The following SLC25A41 variants were observed in gnomAD, a reference collection of about 807,000 sequenced individuals.
SLC25A41 encodes mitochondrial carrier protein SCaMC-3L.
Under a neutral mutation model 34.7 loss-of-function variants are expected in SLC25A41, and 35 were observed. The ratio of observed to expected loss-of-function variants is 1.01; its 90% CI spans 0.77 to 1.34. The LOEUF (loss-of-function observed/expected upper bound fraction) is 1.34. Among genes scored for constraint, SLC25A41 ranks in the 40% most tolerant of loss-of-function variants. The pLI is 0.00. For missense variants in SLC25A41, 492 were observed against 489.8 expected, an observed-to-expected ratio of 1.00 and a Z score of -0.04; for synonymous variants, 190 against 209.9, an observed-to-expected ratio of 0.91 and a Z score of 0.82.
chr19:6,428,577 TATA>T (rs766038282), intron 4 of SLC25A41, among the ~76,000 whole-genome samples: 9 of 147,676 alleles, frequency 6.1e-5, no homozygotes, highest in Non-Finnish European at 1.0e-4. Context: ...TTACATAGTA[TATA>T]ATAAATGTAA....
chr19:6,430,808 G>GT lies in SLC25A41; in HGVS notation c.364-648dup, dbSNP rs886235300. Among the ~76,000 whole-genome samples, 354 of 151,814 alleles carry GT rather than the reference G, an allele frequency of 2.3e-3. 1 individual carries two copies. Among genetic ancestry groups the GT allele is most frequent in the African/African-American group, 8.3e-3 (342 of 41,388 alleles). On this transcript the variant is annotated intron_variant, in intron 2 of 6. Transcript: ENST00000321510. ...TGGCCTTCTTTTCCTTTTCTTTCTT[G>GT]TTTTTTTGTTTGTTTATGTTTTCGA...
In SLC25A41 at chr19:6,433,521, T is replaced by C; in HGVS notation, c.173A>G (p.His58Arg). Residue 58 changes from histidine to arginine, a missense_variant, in exon 1 of 7, where the codon CAT (histidine) becomes CGT (arginine). Transcript: ENST00000321510. ...HVYGYAFGHM[H>R]DNNLEHLPSQ... ...CGGGAGATGTTCAAGGTTGTTGTCA[T>C]GCATGTGGCCAAACGCGTACCCATA... 6.2e-7 allele frequency: 1 copy of C among 1,612,552 alleles called. No homozygotes were observed. The highest frequency in any genetic ancestry group is 1.1e-5 in the South Asian group (1 of 91,026).
At chr19:6,428,065 A>G (rs1254467201) in intron 4 of SLC25A41, among the ~76,000 whole-genome samples, 2 of 152,172 alleles carry the variant, frequency 1.3e-5, no homozygotes, top group Admixed American at 6.6e-5. Context: ...GTAAGATACT[A>G]CAATGGTGGA....
In SLC25A41 at chr19:6,429,055, A is replaced by G. The variant is rs1178613794; in HGVS notation, c.624+669T>C. On this transcript the variant is annotated intron_variant, in intron 4 of 6. Transcript: ENST00000321510. ...TATATATATAATATATATATTATATATATGTTATATATATATATAATATAT... is the reference window on the plus strand; with the variant it reads ...TATATATATAATATATATATTATATGTATGTTATATATATATATAATATAT... Among the ~76,000 whole-genome samples the G allele has an allele frequency of 5.7e-5, 3 of 53,048 alleles. No homozygotes were observed. In the Admixed American group the frequency reaches 1.3e-3, roughly 22 times the overall value. 34.8% of individuals were successfully genotyped at this position (53,048 alleles called of 152,430 possible). A position where few individuals can be genotyped will look rare whatever the true frequency, so the allele number is the denominator to read the frequency against.
chr19:6,432,178 CAT>C lies in SLC25A41; in HGVS notation c.232_233del (p.Met78GlyfsTer10). 6.2e-7 allele frequency: 1 copy of C among 1,613,796 alleles called. No homozygotes were observed. The highest frequency in any genetic ancestry group is 8.5e-7 in the Non-Finnish European group (1 of 1,179,794). On this transcript the variant is annotated frameshift_variant, in exon 2 of 7. Coordinates refer to ENST00000321510, the MANE Select transcript of SLC25A41 (RefSeq NM_173637.4). LOFTEE classifies it high-confidence loss of function. ...CCACTTCCAGGACTTCCACGGGGAC[CAT>C]CAGCTGCTCTCCTGTGTCCAGTACC... ...QQVLDTGEQL[M>X]VPVEVLEVDN...
chr19:6,430,226 C>A, intron 2 of SLC25A41, 65 bp from the exon 3 acceptor site: 1 of 1,504,404 alleles, frequency 6.6e-7, no homozygotes. Context: ...ATCCCTGCCC[C>A]AAGCGCAGCC....
chr19:6,431,015 T>C (rs2092283434), intron 2 of SLC25A41, among the ~76,000 whole-genome samples: 1 of 151,392 alleles, frequency 6.6e-6, no homozygotes, highest in Non-Finnish European at 1.5e-5. Context: ...GGGGTCTTAC[T>C]ATGTTGCCCA....
rs377184838 is a variant in SLC25A41 at position 6,427,411 on chromosome 19, G to A, written c.715C>T (p.Arg239Cys). 15 of 1,610,534 alleles carry A rather than the reference G, an allele frequency of 9.3e-6. No individual in the cohort carries two copies. The highest frequency in any genetic ancestry group is 1.7e-5 in the Admixed American group (1 of 59,674). Reference protein sequence around the residue: ...ARQILQREGTRALYRGYLPNM... With the variant: ...ARQILQREGTCALYRGYLPNM... ...GGCAGGTAGCCGCGGTAAAGGGCGC[G>A]GGTGCCCTCTCGCTGCAAGATCTGC... Residue 239 changes from arginine to cysteine, a missense_variant, in exon 5 of 7, where the codon CGC (arginine) becomes TGC (cysteine). Arg to Cys is a radical substitution (Grantham distance 180). Transcript: ENST00000321510. The surrounding 1 kb of genome is among the most constrained non-coding windows in gnomAD (Gnocchi z 4.9).
At position 6,428,509 on chromosome 19, in the gene SLC25A41, A is replaced by T. The variant is rs905429383; in HGVS notation, c.625-1008T>A. Among the ~76,000 whole-genome samples, 4 of 147,860 alleles carry T rather than the reference A, an allele frequency of 2.7e-5. No individual in the cohort carries two copies. The Admixed American group carries it at 2.7e-4, about 10-fold the overall frequency. ...TATATAGTATATATACATATTATAT[A>T]TGTATTATTATACATTATGCATATA... On this transcript the variant is annotated intron_variant, in intron 4 of 6. Coordinates refer to ENST00000321510, the MANE Select transcript of SLC25A41 (RefSeq NM_173637.4).
rs369469490 is a variant in SLC25A41 at position 6,427,352 on chromosome 19, G to A, written c.774C>T (p.Thr258=). ...CCCATACCTCATAGACAGCCAGGTC[G>A]GTGCAGGCATAGGGGATGATGCCGA... ...NMLGIIPYAC[T]DLAVYEMLQC... is the part of the protein sequence containing the mutation. Residue 258 remains threonine (T), a synonymous_variant, in exon 5 of 7, where the codon ACC becomes ACT. Coordinates refer to ENST00000321510, the MANE Select transcript of SLC25A41 (RefSeq NM_173637.4). The surrounding 1 kb of genome is among the most constrained non-coding windows in gnomAD (Gnocchi z 4.9). 8.8e-5 allele frequency: 142 copies of A among 1,607,872 alleles called. No homozygotes were observed. The highest frequency in any genetic ancestry group is 3.3e-4 in the African/African-American group (25 of 74,958).
At chr19:6,429,886 C>T in intron 3 of SLC25A41, 55 bp from the exon 4 acceptor site, 2 of 1,595,710 alleles carry the variant, frequency 1.3e-6, no homozygotes, top group African/African-American at 2.7e-5. Context: ...CGACACAAAA[C>T]CCGCGCAGGG....
intron 1 of SLC25A41, 48 bp downstream of exon 1, chr19:6,433,421 GGTAGCCTGGCCTCTCCCT>G: frequency 6.6e-7 from 1 of 1,512,092 alleles, no homozygotes; most frequent in Admixed American, 1.7e-5. Flanking sequence ...AGAGGGCGTG[GGTAGCCTGGCCTCTCCCT>G]GTAGTCCTGA....
chr19:6,427,418 C>T lies in SLC25A41; in HGVS notation c.708G>A (p.Glu236=). 1.2e-6 allele frequency: 2 copies of T among 1,609,764 alleles called. No individual in the cohort carries two copies. Among genetic ancestry groups the T allele is most frequent in the Non-Finnish European group, 1.7e-6 (2 of 1,178,206 alleles). ...LDCARQILQR[E]GTRALYRGYL... ...AGCCGCGGTAAAGGGCGCGGGTGCC[C>T]TCTCGCTGCAAGATCTGCCTGGCGC... Residue 236 remains glutamate, a synonymous_variant, in exon 5 of 7, where the codon GAG becomes GAA. Coordinates refer to ENST00000321510, the MANE Select transcript of SLC25A41 (RefSeq NM_173637.4). This position sits in a 1 kb window ranked among gnomAD's most constrained non-coding sequence, Gnocchi z 4.9.
At chr19:6,429,403 A>G (rs1190856797) in intron 4 of SLC25A41, among the ~76,000 whole-genome samples, 1 of 7,478 alleles carries the variant, frequency 1.3e-4, no homozygotes. Context: ...GAGAAGGGAG[A>G]AAGGAAGAGG....
At chr19:6,432,500 TTTA>T (rs1172423690) in intron 1 of SLC25A41, among the ~76,000 whole-genome samples, 1 of 147,862 alleles carries the variant, frequency 6.8e-6, no homozygotes, top group Non-Finnish European at 1.5e-5. Flanking sequence ...TTTTTTTTTT[TTTA>T]GTAGAGATGG....
In SLC25A41 at chr19:6,433,650, A is replaced by ATCCTAGAG; in HGVS notation, c.36_43dup (p.Ile15ThrfsTer66). On this transcript the variant is annotated frameshift_variant, in exon 1 of 7. Transcript: ENST00000321510. LOFTEE classifies it high-confidence loss of function. Reference sequence around the variant, plus strand: ...CTTGACCCTCCTAAACAGTGTCTGGATCCTAGAGCAAGTGTTCTGAGGTTC... The same window carrying ATCCTAGAG: ...CTTGACCCTCCTAAACAGTGTCTGGATCCTAGAGTCCTAGAGCAAGTGTTCTGAGGTTC... 1 of 1,595,668 alleles carries ATCCTAGAG rather than the reference A, an allele frequency of 6.3e-7. No homozygotes were observed. The highest frequency in any genetic ancestry group is 1.3e-5 in the African/African-American group (1 of 74,738).
chr19:6,435,680 G>T (rs1320872702), upstream of SLC25A41, among the ~76,000 whole-genome samples: 2 of 152,040 alleles, frequency 1.3e-5, no homozygotes, highest in Non-Finnish European at 2.9e-5. Context: ...AGCAAAGCAA[G>T]AAATTTTTCT....
intron 4 of SLC25A41, among the ~76,000 whole-genome samples, chr19:6,429,499 AAGGAGGAGGAG>A (rs2092273571): frequency 3.4e-5 from 2 of 59,638 alleles, no homozygotes; most frequent in Non-Finnish European, 7.4e-5. Context: ...AGGAGGGAGA[AAGGAGGAGGAG>A]GAGAGGAGGA....
Position 6,430,114 on chromosome 19 carries a change from C to T in SLC25A41, c.411G>A (p.Gln137=), listed in dbSNP as rs752526629. ...GGAAGCCGCCCTCCTGGACCATGCT[C>T]TGTAGCCCCCCCAGCAGGTTGGTGA... ...TNFTNLLGGL[Q]SMVQEGGFRS... Residue 137 remains glutamine, a synonymous_variant, in exon 3 of 7, where the codon CAG becomes CAA. Coordinates refer to ENST00000321510, the MANE Select transcript of SLC25A41 (RefSeq NM_173637.4). 3 of 1,613,398 alleles carry T rather than the reference C, an allele frequency of 1.9e-6. No homozygotes were observed. The highest frequency in any genetic ancestry group is 2.2e-5 in the East Asian group (1 of 44,866).
Sources: gnomAD v4.1 joint callset for allele counts (sites outside exome capture counted in the v4.1 genomes callset) on GRCh38, gnomAD v4.1.1 for gene constraint, Gnocchi (gnomAD v3.1) non-coding constraint, MANE v1.5 for transcripts, NCBI Gene and HGNC (gene_info 2026-07-23, HGNC 2026-07-21) for gene names.